Variants in ADAM32 observed in about 807,000 individuals in gnomAD.
The protein encoded by ADAM32 is disintegrin and metalloproteinase domain-containing protein 32.
Under a neutral mutation model 114.9 loss-of-function variants are expected in ADAM32, and 89 were observed. That is an observed-to-expected ratio of 0.77 (90% CI 0.65 to 0.92). The LOEUF is 0.92. Ranked by LOEUF, ADAM32 falls within the 40% of genes least tolerant of loss-of-function variation. The pLI, the probability that ADAM32 is intolerant of heterozygous loss-of-function variation, is 0.00. For missense variants in ADAM32, 870 were observed against 932.8 expected (o/e 0.93, Z 0.88); for synonymous variants, 285 against 307.5 (o/e 0.93, Z 0.77).
At chr8:39,131,202 C>T (rs531983758) in intron 2 of ADAM32, among the ~76,000 whole-genome samples, 9 of 152,154 alleles carry the variant, frequency 5.9e-5, no homozygotes, top group South Asian at 2.1e-4. Context: ...GTGATCTGCC[C>T]GCCTCGGCCT....
At chr8:39,214,521 C>A (rs866796226) in intron 12 of ADAM32, among the ~76,000 whole-genome samples, 1 of 151,956 alleles carries the variant, frequency 6.6e-6, no homozygotes, top group Admixed American at 6.6e-5. Flanking sequence ...TTTTGCCCAC[C>A]TTTAAATCAG....
chr8:39,273,693 C>G (rs1049377391), intron 20 of ADAM32, among the ~76,000 whole-genome samples: 1 of 152,134 alleles, frequency 6.6e-6, no homozygotes, highest in African/African-American at 2.4e-5. Context: ...GTTATTCAGC[C>G]TCAGCTCCTG....
At chr8:39,117,281 C>T (rs898970603) in intron 1 of ADAM32, among the ~76,000 whole-genome samples, 1 of 152,128 alleles carries the variant, frequency 6.6e-6, no homozygotes, top group Non-Finnish European at 1.5e-5. Context: ...GTAACCAGAG[C>T]TTTTAACATT....
chr8:39,188,562 A>G (rs988113274), intron 11 of ADAM32, among the ~76,000 whole-genome samples: 1 of 152,162 alleles, frequency 6.6e-6, no homozygotes, highest in Non-Finnish European at 1.5e-5. Context: ...TGTACTTACT[A>G]TGTTCTAGAG....
At chr8:39,118,042 A>C (rs1840448400) in intron 1 of ADAM32, 44 bp from the exon 2 acceptor site, 2 of 1,251,606 alleles carry the variant, frequency 1.6e-6, no homozygotes, top group Non-Finnish European at 2.2e-6. Context: ...ATTTAATCAA[A>C]TTAAGGCAAG....
In ADAM32 at chr8:39,284,826, C is replaced by CGAA; in HGVS notation, c.*27_*28insGAA. The stretch of plus-strand genomic sequence containing the variant: ...GATTCCTTCAGAAGGCAACGGATAA[C>CGAA]ATCGAGAGTCTCGCTAAGAAATGAA... On this transcript the variant is annotated 3_prime_UTR_variant, in exon 25 of 25. Transcript: ENST00000379907. 6.2e-7 allele frequency: 1 copy of CGAA among 1,612,648 alleles called. No homozygotes were observed. The highest frequency in any genetic ancestry group is 8.5e-7 in the Non-Finnish European group (1 of 1,178,812).
At chr8:39,272,098 C>A (rs1812768270) in intron 20 of ADAM32, among the ~76,000 whole-genome samples, 1 of 40,842 alleles carries the variant, frequency 2.4e-5, no homozygotes, top group Admixed American at 3.7e-4. Context: ...CCAGTGAGCT[C>A]CAGAAAAAAA....
chr8:39,149,190 T>A (rs1363097139), intron 4 of ADAM32, among the ~76,000 whole-genome samples: 1 of 152,218 alleles, frequency 6.6e-6, no homozygotes, highest in Non-Finnish European at 1.5e-5. Context: ...TTTTTACTAT[T>A]CTTTCAATTG....
intron 11 of ADAM32, among the ~76,000 whole-genome samples, chr8:39,195,672 A>G (rs950028754): frequency 1.3e-5 from 2 of 151,980 alleles, no homozygotes; most frequent in Non-Finnish European, 2.9e-5. Context: ...CAGCACACGT[A>G]TATGTTCTTG....
intron 2 of ADAM32, among the ~76,000 whole-genome samples, chr8:39,130,671 G>GT (rs1490044558): frequency 1.3e-5 from 2 of 152,038 alleles, no homozygotes; most frequent in Non-Finnish European, 2.9e-5. Flanking sequence ...TTAGAAGTGT[G>GT]TTTTTAAATT....
intron 10 of ADAM32, among the ~76,000 whole-genome samples, chr8:39,181,702 AAG>A (rs1164449654): frequency 1.3e-5 from 2 of 152,230 alleles, no homozygotes; most frequent in African/African-American, 4.8e-5. Flanking sequence ...TGATGAGTGA[AAG>A]AGAGAAGTTA....
At position 39,240,464 on chromosome 8, in the gene ADAM32, C is replaced by T. The variant is rs192746556; in HGVS notation, c.1819-5619C>T. Among the ~76,000 whole-genome samples, 153 of 152,252 alleles carry T rather than the reference C, an allele frequency of 1.0e-3. 2 individuals are homozygous for T. Among genetic ancestry groups the T allele is most frequent in the Non-Finnish European group, 7.1e-4 (48 of 68,012 alleles). ...AGTTTATAGCATTAAATGCCTACAT[C>T]GAAAAGTCTGAAAGAGAAAAAATAG... On this transcript the variant is annotated intron_variant, in intron 16 of 24. Coordinates refer to ENST00000379907, the MANE Select transcript of ADAM32 (RefSeq NM_145004.7).
rs571928874 is a variant in ADAM32, at chr8:39,122,576, CTGTTTT to C, written c.138+4424_138+4429del. Among the ~76,000 whole-genome samples the C allele has an allele frequency of 7.3e-4, 111 of 152,242 alleles. 1 individual carries two copies. The highest frequency in any genetic ancestry group is 2.4e-3 in the African/African-American group (99 of 41,560). ...CCAGAACTGTGAGAAAATAACATTT[CTGTTTT>C]TGTTTTTGTTTTGAGACAGAGTCTT... On this transcript the variant is annotated intron_variant, in intron 2 of 24. Transcript: ENST00000379907.
At chr8:39,245,867 T>G (rs1810882157) in intron 16 of ADAM32, among the ~76,000 whole-genome samples, 1 of 152,180 alleles carries the variant, frequency 6.6e-6, no homozygotes, top group South Asian at 2.1e-4. Flanking sequence ...AGAAACATAG[T>G]AATAATAATA....
intron 16 of ADAM32, among the ~76,000 whole-genome samples, chr8:39,234,704 T>C (rs1809989384): frequency 6.6e-6 from 1 of 152,232 alleles, no homozygotes; most frequent in Non-Finnish European, 1.5e-5. Context: ...TTTGTCATCT[T>C]TGAAACCAAC....
chr8:39,246,614 C>A (rs1257108913), intron 17 of ADAM32, among the ~76,000 whole-genome samples: 1 of 152,172 alleles, frequency 6.6e-6, no homozygotes, highest in East Asian at 1.9e-4. Flanking sequence ...CATATATCCA[C>A]TCATCTTACA....
intron 17 of ADAM32, among the ~76,000 whole-genome samples, chr8:39,247,764 C>T (rs1364836362): frequency 6.7e-6 from 1 of 148,866 alleles, no homozygotes; most frequent in Non-Finnish European, 1.5e-5. Flanking sequence ...TATGCAATAC[C>T]CAAGGTCATC....
intron 14 of ADAM32, among the ~76,000 whole-genome samples, chr8:39,227,127 CT>C (rs1212292831): frequency 1.3e-5 from 2 of 152,178 alleles, no homozygotes; most frequent in Non-Finnish European, 2.9e-5. Flanking sequence ...CCCACAGACC[CT>C]CTAAAGGAAG....
chr8:39,150,511 A>G (rs1286618307), intron 5 of ADAM32, among the ~76,000 whole-genome samples: 29 of 152,194 alleles, frequency 1.9e-4, no homozygotes, highest in Admixed American at 1.9e-3. Flanking sequence ...TTTAATACTC[A>G]TAAAAATACT....
Sources: gnomAD v4.1 joint callset for allele counts (sites outside exome capture counted in the v4.1 genomes callset) on GRCh38, gnomAD v4.1.1 for gene constraint, MANE v1.5 for transcripts, NCBI Gene and HGNC (gene_info 2026-07-23, HGNC 2026-07-21) for gene names.